The following DCBLD1 variants were observed in gnomAD, a reference collection of about 807,000 sequenced individuals.
DCBLD1 encodes discoidin, CUB and LCCL domain-containing protein 1.
DCBLD1 carries 57 observed loss-of-function variants against 71.5 expected under a neutral mutation model. The ratio of observed to expected loss-of-function variants is 0.80; its 90% CI spans 0.64 to 0.99. The LOEUF is 0.99. DCBLD1 is among the 50% of genes least tolerant of loss of function. The pLI is 0.00. For synonymous variants in DCBLD1, 380 were observed against 363.8 expected (o/e 1.04, Z -0.51); for missense variants, 891 against 923.5 (o/e 0.96, Z 0.46).
chr6:117,569,736 C>T (rs769055626), exon 15 of DCBLD1: 1 of 1,582,684 alleles, frequency 6.3e-7, no homozygotes, highest in Non-Finnish European at 8.6e-7. Context: ...TCTTTCCCAC[C>T]CTAACAACAA....
At chr6:117,488,523 T>C (rs1777168746) in intron 1 of DCBLD1, among the ~76,000 whole-genome samples, 1 of 152,072 alleles carries the variant, frequency 6.6e-6, no homozygotes, top group South Asian at 2.1e-4. Flanking sequence ...CACATGCCTG[T>C]AATCCCAGCT....
At chr6:117,560,753 G>A (rs548787932) in intron 14 of DCBLD1, 44 of 205,452 alleles carry the variant, frequency 2.1e-4, no homozygotes, top group South Asian at 3.8e-4. Flanking sequence ...ATATATACAC[G>A]CACACATACA....
chr6:117,535,888 G>A (rs986356879), intron 6 of DCBLD1, among the ~76,000 whole-genome samples: 2 of 152,114 alleles, frequency 1.3e-5, no homozygotes, highest in African/African-American at 4.8e-5. Flanking sequence ...TTTGCTAACT[G>A]TGAACTTAGG....
chr6:117,545,739 C>T (rs1378923845), intron 14 of DCBLD1, 142 bp downstream of exon 14: 1 of 1,234,288 alleles, frequency 8.1e-7, no homozygotes, highest in Non-Finnish European at 1.1e-6. Flanking sequence ...CTGCATTCTG[C>T]ACAGAATTAC....
At chr6:117,539,129 A>G (rs1779003259) in intron 8 of DCBLD1, 126 bp from the exon 9 acceptor site, 2 of 864,114 alleles carry the variant, frequency 2.3e-6, no homozygotes, top group Non-Finnish European at 3.4e-6. Context: ...TGCAACTAAT[A>G]TAAGTTGGCC....
intron 14 of DCBLD1, among the ~76,000 whole-genome samples, chr6:117,556,434 C>G (rs1268015081): frequency 6.6e-6 from 1 of 152,098 alleles, no homozygotes; most frequent in Non-Finnish European, 1.5e-5. Context: ...CCATGTGTAC[C>G]CTTTATTTAG....
At chr6:117,560,213 T>C (rs529402886) in intron 14 of DCBLD1, 25 of 165,702 alleles carry the variant, frequency 1.5e-4, no homozygotes, top group Middle Eastern at 5.2e-3. Context: ...GCACAGACTT[T>C]ATGACATGTT....
At chr6:117,509,876 T>C (rs1351863192) in intron 2 of DCBLD1, among the ~76,000 whole-genome samples, 4 of 152,178 alleles carry the variant, frequency 2.6e-5, no homozygotes, top group African/African-American at 9.7e-5. Context: ...CCCAGCCTCA[T>C]GAGATGAACA....
At position 117,519,954 on chromosome 6, in the gene DCBLD1, TA is replaced by T; in HGVS notation, c.460+6del. 1 of 1,613,594 alleles carries T rather than the reference TA, an allele frequency of 6.2e-7. No homozygotes were observed. Among genetic ancestry groups the T allele is most frequent in the Non-Finnish European group, 8.5e-7 (1 of 1,179,574 alleles). On this transcript the variant is annotated splice_donor_5th_base_variant and intron_variant, in intron 3 of 14. Coordinates refer to ENST00000338728, the MANE Select transcript of DCBLD1 (RefSeq NM_001366458.2). ...TATGCGAGCAGCGACCATCCAGGTA[TA>T]ACGGAAGAATCAACACAAATCTCTA...
At chr6:117,504,381 G>T (rs938673229) in intron 2 of DCBLD1, among the ~76,000 whole-genome samples, 4 of 152,338 alleles carry the variant, frequency 2.6e-5, no homozygotes, top group East Asian at 3.9e-4. Context: ...TATGAAACTT[G>T]CATCTGTGGG....
rs61747864 is a variant in DCBLD1, at chr6:117,548,039, G to T, written c.1748G>T (p.Arg583Leu). Residue 583 changes from arginine to leucine, a missense_variant, in exon 15 of 15, where the codon CGG becomes CTG. Physicochemically the swap from Arg to Leu is moderately radical, Grantham distance 102. Transcript: ENST00000338728. ...GGCGGCCACTATGACTGCCCGCAGCGGGCCGGCCGCCACGAGTACGCGCTG... is the reference window on the plus strand; with the variant it reads ...GGCGGCCACTATGACTGCCCGCAGCTGGCCGGCCGCCACGAGTACGCGCTG... ...DAGGHYDCPQ[R>L]AGRHEYALPL... is the part of the protein sequence containing the mutation. 18 of 1,549,248 alleles carry T rather than the reference G, an allele frequency of 1.2e-5. No individual in the cohort carries two copies. In the African/African-American group the frequency reaches 1.2e-4, roughly 11 times the overall value.
intron 14 of DCBLD1, 135 bp from the exon 15 acceptor site, chr6:117,547,772 G>T (rs1183311624): frequency 1.3e-6 from 2 of 1,534,968 alleles, no homozygotes; most frequent in Admixed American, 2.0e-5. Flanking sequence ...AGGGTTTTCC[G>T]CAGTGCCTGG....
intron 6 of DCBLD1, among the ~76,000 whole-genome samples, chr6:117,533,627 G>T (rs914884898): frequency 6.6e-6 from 1 of 152,174 alleles, no homozygotes; most frequent in African/African-American, 2.4e-5. Context: ...AAGTTCTGAA[G>T]AACCGACTTA....
chr6:117,527,880 G>T (rs1197660733), intron 5 of DCBLD1, among the ~76,000 whole-genome samples: 1 of 152,142 alleles, frequency 6.6e-6, no homozygotes, highest in African/African-American at 2.4e-5. Flanking sequence ...CCAAATTGGT[G>T]TATGTTTCCA....
At chr6:117,521,700 G>A (rs1778393313) in intron 4 of DCBLD1, 124 bp downstream of exon 4, 1 of 813,668 alleles carries the variant, frequency 1.2e-6, no homozygotes, top group Non-Finnish European at 1.9e-6. Flanking sequence ...AACTAATGAG[G>A]AATATTTGAA....
At chr6:117,496,292 A>C (rs779941189) in intron 1 of DCBLD1, among the ~76,000 whole-genome samples, 5 of 151,944 alleles carry the variant, frequency 3.3e-5, no homozygotes, top group Non-Finnish European at 5.9e-5. Context: ...GAAGATTTTG[A>C]ATAATTATTT....
intron 3 of DCBLD1, among the ~76,000 whole-genome samples, chr6:117,520,231 T>A (rs541360765): frequency 1.3e-5 from 2 of 152,110 alleles, no homozygotes; most frequent in South Asian, 2.1e-4. Context: ...CTAAAAAAAA[T>A]TTGCAAAAAA....
intron 2 of DCBLD1, among the ~76,000 whole-genome samples, chr6:117,510,580 A>C (rs1251165233): frequency 1.3e-5 from 2 of 152,190 alleles, no homozygotes; most frequent in African/African-American, 2.4e-5. Context: ...CGTTTTATTC[A>C]TGCTCTTTTA....
rs546168635 is a variant in DCBLD1, at chr6:117,506,368, A to C, written c.325+2389A>C. ...GTTTCACCATCACCAAAAAAACCACATTGCACTATCATCCTTCCCAGGTGG... is the reference window on the plus strand; with the variant it reads ...GTTTCACCATCACCAAAAAAACCACCTTGCACTATCATCCTTCCCAGGTGG... On this transcript the variant is annotated intron_variant, in intron 2 of 14. Transcript: ENST00000338728. Among the ~76,000 whole-genome samples the C allele has an allele frequency of 3.2e-4, 49 of 152,288 alleles. No homozygotes were observed. In the South Asian group the frequency reaches 0.01, roughly 32 times the overall value.
Sources: gnomAD v4.1 joint callset for allele counts (sites outside exome capture counted in the v4.1 genomes callset) on GRCh38, gnomAD v4.1.1 for gene constraint, MANE v1.5 for transcripts, NCBI Gene and HGNC (gene_info 2026-07-23, HGNC 2026-07-21) for gene names.